NXPE2: variants seen among roughly 807,000 people sequenced by gnomAD.
The protein encoded by NXPE2 is NXPE family member 2.
Under a neutral mutation model 34.4 loss-of-function variants are expected in NXPE2, and 34 were observed. The ratio of observed to expected loss-of-function variants is 0.99; its 90% CI spans 0.75 to 1.31. The LOEUF is 1.31. Among genes scored for constraint, NXPE2 ranks in the 40% most tolerant of loss-of-function variants. The pLI is 0.00. For missense variants in NXPE2, 649 were observed against 672.5 expected, an observed-to-expected ratio of 0.97 and a Z score of 0.39; for synonymous variants, 235 against 231.3, an observed-to-expected ratio of 1.02 and a Z score of -0.15.
At chr11:114,537,476 A>G in the NXPE2 span, among the ~76,000 whole-genome samples, 1 of 152,208 alleles carries the variant, frequency 6.6e-6, no homozygotes, top group African/African-American at 2.4e-5. Flanking sequence ...AATTAGGAAA[A>G]GAGGAAGTCA....
At chr11:114,690,595 A>G (rs934846038) in intron 2 of NXPE2, among the ~76,000 whole-genome samples, 2 of 152,064 alleles carry the variant, frequency 1.3e-5, no homozygotes, top group African/African-American at 4.8e-5. Flanking sequence ...TGCCTTGTAT[A>G]GTATCTCATC....
the NXPE2 span, among the ~76,000 whole-genome samples, chr11:114,612,831 A>T: frequency 6.6e-6 from 1 of 151,748 alleles, no homozygotes; most frequent in Non-Finnish European, 1.5e-5. Context: ...TACCCAGAGG[A>T]TAGTAAGTAT....
rs1443516504 is a variant in NXPE2, at chr11:114,698,305, C to A, written c.393C>A (p.Ile131=). ...ACTGCAGGGGGGATCAGCTGGACAT[C>A]CTTCTGGAGGTGAGGGACCACTTGG... ...DTYCRGDQLD[I]LLEVRDHLGH... The change falls in exon 3 of 6, where the codon ATC becomes ATA. Residue 131 remains isoleucine (I), a synonymous_variant. Transcript: ENST00000389586. 1 of 1,613,936 alleles carries A rather than the reference C, an allele frequency of 6.2e-7. No homozygotes were observed. Among genetic ancestry groups the A allele is most frequent in the Admixed American group, 1.7e-5 (1 of 59,984 alleles).
chr11:114,528,589 A>G, the NXPE2 span, among the ~76,000 whole-genome samples: 1 of 152,220 alleles, frequency 6.6e-6, no homozygotes, highest in African/African-American at 2.4e-5. Context: ...AGTGACTGGC[A>G]GAAAGTAGTG....
the NXPE2 span, among the ~76,000 whole-genome samples, chr11:114,666,234 A>G: frequency 6.6e-6 from 1 of 152,174 alleles, no homozygotes; most frequent in East Asian, 1.9e-4. Flanking sequence ...TAGCAGATTC[A>G]TTCCTCTTTA....
chr11:114,490,589 CAAGCGATGGGGA>C, the NXPE2 span, among the ~76,000 whole-genome samples: 1 of 152,158 alleles, frequency 6.6e-6, no homozygotes, highest in East Asian at 1.9e-4. Flanking sequence ...CTGACAAAAA[CAAGCGATGGGGA>C]AAGGATTCCC....
At chr11:114,510,973 A>G in the NXPE2 span, among the ~76,000 whole-genome samples, 2 of 152,220 alleles carry the variant, frequency 1.3e-5, no homozygotes, top group South Asian at 4.1e-4. Context: ...GTACATAATT[A>G]TAATGAGAAA....
chr11:114,783,399 C>T, the NXPE2 span, among the ~76,000 whole-genome samples: 4 of 152,128 alleles, frequency 2.6e-5, no homozygotes, highest in East Asian at 1.9e-4. Flanking sequence ...CAAATAGCTC[C>T]CTAATTTCTA....
chr11:114,668,133 T>C, the NXPE2 span, among the ~76,000 whole-genome samples: 2 of 151,504 alleles, frequency 1.3e-5, no homozygotes, highest in African/African-American at 4.8e-5. Context: ...GTGCCTGCTC[T>C]TAAGCTATTG....
chr11:114,801,453 TAG>T, the NXPE2 span, among the ~76,000 whole-genome samples: 1 of 152,346 alleles, frequency 6.6e-6, no homozygotes, highest in East Asian at 1.9e-4. Flanking sequence ...GGACAGATCA[TAG>T]AGTCTTGTAG....
the NXPE2 span, among the ~76,000 whole-genome samples, chr11:114,514,703 A>G: frequency 2.0e-5 from 3 of 152,176 alleles, no homozygotes; most frequent in African/African-American, 4.8e-5. Context: ...TTTTCTTTAC[A>G]TAACACACAA....
At chr11:114,472,551 C>T in the NXPE2 span, among the ~76,000 whole-genome samples, 1 of 152,298 alleles carries the variant, frequency 6.6e-6, no homozygotes, top group African/African-American at 2.4e-5. Context: ...TCTGTGCAGG[C>T]TGCTATAACA....
the NXPE2 span, among the ~76,000 whole-genome samples, chr11:114,592,319 AG>A: frequency 6.6e-6 from 1 of 152,194 alleles, no homozygotes; most frequent in Non-Finnish European, 1.5e-5. Context: ...TTAAAAACTC[AG>A]TAAAGTTGCA....
chr11:114,496,253 T>G, the NXPE2 span, among the ~76,000 whole-genome samples: 2 of 152,162 alleles, frequency 1.3e-5, no homozygotes, highest in African/African-American at 4.8e-5. Context: ...CCTCTGTGGG[T>G]GCCAGCTGAG....
At chr11:114,512,705 A>G in the NXPE2 span, 1 of 155,188 alleles carries the variant, frequency 6.4e-6, no homozygotes, top group African/African-American at 2.4e-5. Flanking sequence ...ATAGGAAAAC[A>G]TCCTGTTTAC....
At chr11:114,465,317 TAAA>T in the NXPE2 span, among the ~76,000 whole-genome samples, 10 of 152,180 alleles carry the variant, frequency 6.6e-5, no homozygotes, top group Non-Finnish European at 1.5e-4. Flanking sequence ...GATACTGCAA[TAAA>T]AAGATCTGCA....
At chr11:114,788,032 G>T in the NXPE2 span, among the ~76,000 whole-genome samples, 2 of 152,282 alleles carry the variant, frequency 1.3e-5, no homozygotes, top group East Asian at 1.9e-4. Context: ...AAGGGGCTAG[G>T]CTCTTGTATA....
chr11:114,530,855 T>C, the NXPE2 span: 557,629 of 1,613,618 alleles, frequency 0.35, 98,987 homozygotes, highest in East Asian at 0.63. Context: ...ATAAGGACTT[T>C]GCGGAGTTGT....
chr11:114,625,700 G>T, the NXPE2 span, among the ~76,000 whole-genome samples: 1 of 152,146 alleles, frequency 6.6e-6, no homozygotes, highest in Non-Finnish European at 1.5e-5. Flanking sequence ...AACAGCCCCG[G>T]TCTACAGCTC....
Sources: gnomAD v4.1 joint callset for allele counts (sites outside exome capture counted in the v4.1 genomes callset) on GRCh38, gnomAD v4.1.1 for gene constraint, MANE v1.5 for transcripts, NCBI Gene and HGNC (gene_info 2026-07-23, HGNC 2026-07-21) for gene names.